PPP1R13L: variants seen among roughly 807,000 people sequenced by gnomAD.
PPP1R13L encodes the protein protein phosphatase 1 regulatory subunit 13 like.
In PPP1R13L, 50 loss-of-function variants were observed where a neutral mutation model predicts 80.9. That is an observed-to-expected ratio of 0.62 (90% CI 0.49 to 0.78). The LOEUF (loss-of-function observed/expected upper bound fraction) is 0.78. Among genes scored for constraint, PPP1R13L ranks in the 30% least tolerant of loss-of-function variants. The pLI, the probability that PPP1R13L is intolerant of heterozygous loss-of-function variation, is 0.00. For missense variants in PPP1R13L, 1,200 were observed against 1,205.9 expected (o/e 1.00, Z 0.07); for synonymous variants, 602 against 534.3 (o/e 1.13, Z -1.75).
Position 45,392,296 on chromosome 19 carries a change from C to G in PPP1R13L, c.1399G>C (p.Glu467Gln). The G allele has an allele frequency of 6.2e-7, 1 of 1,613,602 alleles. No homozygotes were observed. Among genetic ancestry groups the G allele is most frequent in the East Asian group, 2.2e-5 (1 of 44,874 alleles). Reference protein sequence around the residue: ...PTELEPEPEIEGLLTPVLEAG... With the variant: ...PTELEPEPEIQGLLTPVLEAG... ...TCCAGCACTGGTGTCAGCAGCCCCTCTATCTCCGGCTCAGGCTCCAGCTCG... is the reference window on the plus strand; with the variant it reads ...TCCAGCACTGGTGTCAGCAGCCCCTGTATCTCCGGCTCAGGCTCCAGCTCG... The change falls in exon 8 of 13, where the codon GAG becomes CAG. Residue 467 changes from glutamate to glutamine, a missense_variant. Glu to Gln is a conservative substitution (Grantham distance 29). Around this residue, in one of 5 missense-constraint regions of PPP1R13L, gnomAD observed 764 missense variants for 714.5 expected, o/e 1.07. Coordinates refer to ENST00000360957, the MANE Select transcript of PPP1R13L (RefSeq NM_006663.4).
chr19:45,385,693 G>A lies in PPP1R13L; in HGVS notation c.2117C>T (p.Thr706Ile), dbSNP rs754901799. 34 of 1,612,674 alleles carry A rather than the reference G, an allele frequency of 2.1e-5. No homozygotes were observed. The highest frequency in any genetic ancestry group is 2.8e-5 in the Non-Finnish European group (33 of 1,179,662). Reference sequence around the variant, plus strand: ...CTGCACCAGCGCCATGCAGATGACTGTGTCGTTGCACGACGCCGCGCAGTG... The same window carrying A: ...CTGCACCAGCGCCATGCAGATGACTATGTCGTTGCACGACGCCGCGCAGTG... The part of the protein sequence containing the change: ...PLHCAASCND[T>I]VICMALVQHG... The change falls in exon 11 of 13, where the codon ACA becomes ATA. Residue 706 changes from threonine to isoleucine, a missense_variant. Transcript: ENST00000360957.
chr19:45,395,811 C>T lies in PPP1R13L; in HGVS notation c.979G>A (p.Gly327Ser), dbSNP rs200076123. The T allele has an allele frequency of 1.3e-5, 20 of 1,589,114 alleles. No homozygotes were observed. The highest frequency in any genetic ancestry group is 1.7e-5 in the Non-Finnish European group (20 of 1,170,254). The change falls in exon 7 of 13, where the codon GGC (glycine) becomes AGC (serine). Residue 327 changes from glycine to serine, a missense_variant. Gly to Ser is a moderately conservative substitution (Grantham distance 56). This residue lies in a region of PPP1R13L where 764 missense variants were observed against 714.5 expected (regional missense o/e 1.07). Coordinates refer to ENST00000360957, the MANE Select transcript of PPP1R13L (RefSeq NM_006663.4). ...GAGCCCAGCGAGCGCCGGTAGCTGC[C>T]CGCGTCTGAACGCCGGTCGCTGGCC... The part of the protein sequence containing the change: ...PLASDRRSDA[G>S]SYRRSLGSAG...
At chr19:45,402,248 T>G (rs1973248199) in intron 1 of PPP1R13L, 1 of 152,214 alleles carries the variant, frequency 6.6e-6, no homozygotes, top group Non-Finnish European at 1.5e-5. Context: ...GTGACTCTTT[T>G]TTTTTCTTTT....
At chr19:45,401,194 A>G (rs1347037829) in intron 1 of PPP1R13L, among the ~76,000 whole-genome samples, 1 of 151,528 alleles carries the variant, frequency 6.6e-6, no homozygotes, top group African/African-American at 2.4e-5. Flanking sequence ...TCTACTAAAA[A>G]ATACAAAAAA....
intron 11 of PPP1R13L, among the ~76,000 whole-genome samples, chr19:45,385,095 A>C (rs1040865967): frequency 6.6e-6 from 1 of 151,860 alleles, no homozygotes; most frequent in Non-Finnish European, 1.5e-5. Context: ...TCGGGGAACC[A>C]GGTGATGTAG....
At position 45,382,548 on chromosome 19, in the gene PPP1R13L, G is replaced by A; in HGVS notation, c.2427C>T (p.Tyr809=). 1.2e-6 allele frequency: 2 copies of A among 1,613,000 alleles called. No individual in the cohort carries two copies. ...WWAALHGQEG[Y]VPRNYFGLFP... ...TCACCCCGAAGTAGTTCCGCGGCAC[G>A]TAGCCCTCCTGGCCGTGCAGCGCGG... Residue 809 remains tyrosine (Y), a synonymous_variant, in exon 12 of 13, where the codon TAC becomes TAT. Coordinates refer to ENST00000360957, the MANE Select transcript of PPP1R13L (RefSeq NM_006663.4).
chr19:45,397,346 C>A (rs2123389650), intron 3 of PPP1R13L, among the ~76,000 whole-genome samples: 1 of 151,346 alleles, frequency 6.6e-6, no homozygotes, highest in South Asian at 2.1e-4. Flanking sequence ...CCCCTCTTTT[C>A]TATTTCTTTC....
chr19:45,382,340 C>T (rs1972778686), intron 12 of PPP1R13L, among the ~76,000 whole-genome samples, 187 bp downstream of exon 12: 2 of 152,304 alleles, frequency 1.3e-5, no homozygotes, highest in Middle Eastern at 3.4e-3. Context: ...GGGACCCTTA[C>T]CCCCGACATT....
chr19:45,383,440 G>T (rs1972807142), intron 11 of PPP1R13L, among the ~76,000 whole-genome samples: 1 of 150,508 alleles, frequency 6.6e-6, no homozygotes, highest in Non-Finnish European at 1.5e-5. Flanking sequence ...GATTACAGGT[G>T]TGCGCCACCA....
rs1237175341 is a variant in PPP1R13L at position 45,379,643 on chromosome 19, G to T, written c.*547C>A. ...TCAAAAGAGAAGAAAGTCAATTTCT[G>T]TGCAAACTACTTTTATTTATAAGGA... On this transcript the variant is annotated 3_prime_UTR_variant, in exon 13 of 13. Transcript: ENST00000360957. 6.6e-6 allele frequency: 1 copy of T among 152,370 alleles called. No homozygotes were observed. Among genetic ancestry groups the T allele is most frequent in the Admixed American group, 6.5e-5 (1 of 15,276 alleles). The allele number at this position is 152,370 out of a possible 1,614,324, so 9.4% of individuals were successfully genotyped here.
chr19:45,393,915 C>T (rs1206476384), intron 7 of PPP1R13L, among the ~76,000 whole-genome samples: 4 of 151,806 alleles, frequency 2.6e-5, no homozygotes, highest in Non-Finnish European at 5.9e-5. Context: ...AATAAATAAA[C>T]CCCAAAACAC....
chr19:45,396,503 AC>A lies in PPP1R13L; in HGVS notation c.712+41del, dbSNP rs1973097371. 1 of 1,604,042 alleles carries A rather than the reference AC, an allele frequency of 6.2e-7. No individual in the cohort carries two copies. Among genetic ancestry groups the A allele is most frequent in the African/African-American group, 1.3e-5 (1 of 74,670 alleles). The stretch of plus-strand genomic sequence containing the variant: ...CGAGCCCCGGATCCTGCCCGCTTTG[AC>A]CCCGCGAGTCAAAGGCCCCGCGAGG... On this transcript the variant is annotated intron_variant, in intron 4 of 12. Coordinates refer to ENST00000360957, the MANE Select transcript of PPP1R13L (RefSeq NM_006663.4). This position sits in a 1 kb window ranked among gnomAD's most constrained non-coding sequence, Gnocchi z 5.3.
At chr19:45,405,928 C>G (rs999216741), upstream of PPP1R13L, among the ~76,000 whole-genome samples, 3 of 152,144 alleles carry the variant, frequency 2.0e-5, no homozygotes, top group African/African-American at 7.2e-5. Context: ...GGAGGAGTCG[C>G]CGATCAGGTC....
In PPP1R13L at chr19:45,391,960, G is replaced by A. The variant is rs200421991; in HGVS notation, c.1735C>T (p.Pro579Ser). The A allele has an allele frequency of 6.6e-7, 1 of 1,513,906 alleles. No homozygotes were observed. 93.8% of individuals were successfully genotyped at this position (1,513,906 alleles called of 1,614,324 possible). The change falls in exon 8 of 13, where the codon CCC (proline) becomes TCC (serine). Residue 579 changes from proline to serine, a missense_variant. Transcript: ENST00000360957. Reference sequence around the variant, plus strand: ...GGAGCTGGTGGGGCAGGAGCAGGGGGCCCTGCCCTGGCCTCAGATCCCTCA... The same window carrying A: ...GGAGCTGGTGGGGCAGGAGCAGGGGACCCTGCCCTGGCCTCAGATCCCTCA... ...ITEGSEARAG[P>S]PAPAPPAPIP...
intron 1 of PPP1R13L, among the ~76,000 whole-genome samples, chr19:45,400,206 C>G (rs1004585886): frequency 2.6e-5 from 4 of 151,948 alleles, no homozygotes; most frequent in Admixed American, 2.6e-4. Flanking sequence ...CTAGGGTCCC[C>G]ATTCAGTGGA....
intron 7 of PPP1R13L, among the ~76,000 whole-genome samples, chr19:45,394,369 C>T (rs1324235991): frequency 6.6e-6 from 1 of 152,132 alleles, no homozygotes; most frequent in African/African-American, 2.4e-5. Context: ...TCTTGAACTC[C>T]AGAGCTCAAG....
Position 45,396,486 on chromosome 19 carries a change from G to C in PPP1R13L, c.713-50C>G, listed in dbSNP as rs761388610. On this transcript the variant is annotated intron_variant, in intron 4 of 12. Transcript: ENST00000360957. The surrounding 1 kb of genome is among the most constrained non-coding windows in gnomAD (Gnocchi z 5.3). ...TGAGACGGGAGGGGTGGCGAGCCCC[G>C]GATCCTGCCCGCTTTGACCCCGCGA... 1 of 1,610,936 alleles carries C rather than the reference G, an allele frequency of 6.2e-7. No individual in the cohort carries two copies. The highest frequency in any genetic ancestry group is 8.5e-7 in the Non-Finnish European group (1 of 1,179,064).
rs1467137604 is a variant in PPP1R13L, at chr19:45,382,745, G to A, written c.2249-19C>T. The A allele has an allele frequency of 6.2e-7, 1 of 1,613,416 alleles. No individual in the cohort carries two copies. The highest frequency in any genetic ancestry group is 8.5e-7 in the Non-Finnish European group (1 of 1,179,740). ...TCGACGTCTGAAACATGCCACGGAGGGGAAGGTGAGAGCCTGGCCCAGGGG... is the reference window on the plus strand; with the variant it reads ...TCGACGTCTGAAACATGCCACGGAGAGGAAGGTGAGAGCCTGGCCCAGGGG... On this transcript the variant is annotated intron_variant, in intron 11 of 12. Coordinates refer to ENST00000360957, the MANE Select transcript of PPP1R13L (RefSeq NM_006663.4).
Position 45,391,979 on chromosome 19 carries a change from T to C in PPP1R13L, c.1716A>G (p.Gly572=). 1.3e-6 allele frequency: 2 copies of C among 1,525,210 alleles called. No homozygotes were observed. Among genetic ancestry groups the C allele is most frequent in the Non-Finnish European group, 1.8e-6 (2 of 1,138,794 alleles). The allele number at this position is 1,525,210 out of a possible 1,614,324, so 94.5% of individuals were successfully genotyped here. The change falls in exon 8 of 13, where the codon GGA becomes GGG. Residue 572 remains glycine (G), a synonymous_variant. Coordinates refer to ENST00000360957, the MANE Select transcript of PPP1R13L (RefSeq NM_006663.4). ...PEPELSPITE[G]SEARAGPPAP... The stretch of plus-strand genomic sequence containing the variant: ...CAGGGGGCCCTGCCCTGGCCTCAGA[T>C]CCCTCAGTGATGGGGGACAGCTCTG...
Sources: allele counts gnomAD v4.1 joint callset (sites outside exome capture counted in the v4.1 genomes callset), GRCh38; gene constraint gnomAD v4.1.1; regional missense constraint gnomAD v4.1.1; non-coding constraint Gnocchi (gnomAD v3.1); transcripts MANE v1.5; gene names NCBI Gene and HGNC (gene_info 2026-07-23, HGNC 2026-07-21).